Variants in MATN2 observed in about 807,000 individuals in gnomAD.
MATN2 encodes the protein matrilin 2, also known as matrilin-2.
Under a neutral mutation model 103.2 loss-of-function variants are expected in MATN2, and 69 were observed. The observed-to-expected ratio is 0.67, with a 90% CI of 0.55 to 0.82. MATN2 has a LOEUF of 0.82. Among genes scored for constraint, MATN2 ranks in the 40% least tolerant of loss-of-function variants. The pLI is 0.00. For missense variants in MATN2, 1,023 were observed against 1,211.5 expected (o/e 0.84, Z 2.31); for synonymous variants, 429 against 450.2 (o/e 0.95, Z 0.60).
intron 2 of MATN2, among the ~76,000 whole-genome samples, chr8:97,925,116 C>T (rs1226192677): frequency 6.6e-6 from 1 of 151,822 alleles, no homozygotes; most frequent in Non-Finnish European, 1.5e-5. Flanking sequence ...GATTTATAGA[C>T]AAAAAAAGGG....
intron 7 of MATN2, among the ~76,000 whole-genome samples, chr8:98,000,305 A>C (rs1168626253): frequency 6.6e-6 from 1 of 151,940 alleles, no homozygotes; most frequent in Non-Finnish European, 1.5e-5. Context: ...CAGCTTTGAA[A>C]TATGGATAAC....
chr8:98,032,972 C>G, intron 16 of MATN2, 70 bp from the exon 17 acceptor site: 8 of 1,469,208 alleles, frequency 5.4e-6, no homozygotes, highest in Non-Finnish European at 7.3e-6. Context: ...AAGTACCTTA[C>G]TCTGCTGATG....
At chr8:97,989,790 A>G (rs1812331082) in intron 6 of MATN2, among the ~76,000 whole-genome samples, 1 of 152,234 alleles carries the variant, frequency 6.6e-6, no homozygotes, top group South Asian at 2.1e-4. Flanking sequence ...TATTAATAGC[A>G]AGTGAATTTA....
intron 2 of MATN2, among the ~76,000 whole-genome samples, chr8:97,909,237 T>C (rs1271084509): frequency 2.6e-5 from 4 of 152,238 alleles, no homozygotes; most frequent in Non-Finnish European, 4.4e-5. Context: ...CCAGCCTCTT[T>C]CAACTTTAAA....
At chr8:98,009,901 G>A (rs1243131802) in intron 10 of MATN2, among the ~76,000 whole-genome samples, 1 of 152,170 alleles carries the variant, frequency 6.6e-6, no homozygotes, top group Non-Finnish European at 1.5e-5. Context: ...TGGCCTGCAA[G>A]CTCCTGGAGG....
At chr8:97,895,075 G>A (rs1200028986) in intron 2 of MATN2, among the ~76,000 whole-genome samples, 2 of 152,114 alleles carry the variant, frequency 1.3e-5, no homozygotes, top group Non-Finnish European at 2.9e-5. Context: ...GTTTCATCAT[G>A]TTGGCCAGGT....
chr8:97,926,976 C>A lies in MATN2; in HGVS notation c.143-3977C>A, dbSNP rs58084851. ...GCAAGGTCAAGACTTTATAGAACTT[C>A]TTTTCTCCAGAGAGCTCTCTATTTC... On this transcript the variant is annotated intron_variant, in intron 2 of 18. Coordinates refer to ENST00000254898, the MANE Select transcript of MATN2 (RefSeq NM_002380.5). 5.4e-4 allele frequency among the ~76,000 whole-genome samples: 83 copies of A among 152,312 alleles called. 1 individual carries two copies. The highest frequency in any genetic ancestry group is 2.0e-3 in the African/African-American group (82 of 41,568).
At chr8:97,970,915 C>T (rs1811633643) in intron 5 of MATN2, among the ~76,000 whole-genome samples, 1 of 152,012 alleles carries the variant, frequency 6.6e-6, no homozygotes, top group Admixed American at 6.6e-5. Flanking sequence ...GCATTCCAGC[C>T]TGGGTGACAG....
At chr8:98,019,974 G>T (rs1194234177) in intron 12 of MATN2, among the ~76,000 whole-genome samples, 1 of 152,154 alleles carries the variant, frequency 6.6e-6, no homozygotes, top group Non-Finnish European at 1.5e-5. Flanking sequence ...TTAGCAAGAA[G>T]TTCTGTGTGA....
chr8:98,033,688 A>G, intron 18 of MATN2, 29 bp downstream of exon 18: 1 of 1,374,766 alleles, frequency 7.3e-7, no homozygotes, highest in Non-Finnish European at 1.0e-6. Context: ...ATGCTTCTGT[A>G]TGGAATGCAA....
In MATN2 at chr8:98,033,137, C is replaced by T. The variant is rs145754758; in HGVS notation, c.2677C>T (p.Arg893Trp). The T allele has an allele frequency of 1.6e-5, 25 of 1,609,568 alleles. No homozygotes were observed. The East Asian group carries it at 1.6e-4, about 10-fold the overall frequency. ...RYLFEEDNLLRSTQKLSHSTK... is the reference protein window; with the variant it reads ...RYLFEEDNLLWSTQKLSHSTK... ...TCTGTTTGAAGAAGACAATCTTTTA[C>T]GGTCTACACAAAAGCTTTCCCATTC... Residue 893 changes from arginine (R) to tryptophan (W), a missense_variant, in exon 17 of 19, where the codon CGG (arginine) becomes TGG (tryptophan). By Grantham distance (101) the Arg-to-Trp change is moderately radical. Transcript: ENST00000254898.
intron 10 of MATN2, among the ~76,000 whole-genome samples, chr8:98,010,459 A>G (rs1309099397): frequency 6.6e-6 from 1 of 152,148 alleles, no homozygotes; most frequent in African/African-American, 2.4e-5. Context: ...CTGACTGCTC[A>G]TCTCTAAACT....
intron 10 of MATN2, 109 bp from the exon 11 acceptor site, chr8:98,016,431 A>C: frequency 1.0e-6 from 1 of 965,810 alleles, no homozygotes; most frequent in Non-Finnish European, 1.6e-6. Context: ...CTGTAGGATA[A>C]GGCACTGTTT....
chr8:98,010,370 G>A (rs1419787045), intron 10 of MATN2, among the ~76,000 whole-genome samples: 1 of 152,198 alleles, frequency 6.6e-6, no homozygotes, highest in Non-Finnish European at 1.5e-5. Flanking sequence ...AGCAGAAAGA[G>A]TACTGAACTG....
At chr8:97,986,077 G>C (rs990316525) in intron 6 of MATN2, among the ~76,000 whole-genome samples, 4 of 151,886 alleles carry the variant, frequency 2.6e-5, no homozygotes, top group African/African-American at 9.7e-5. Flanking sequence ...AGGTTTTTTT[G>C]GCTGCTCAAA....
At chr8:97,912,071 G>A (rs1281366966) in intron 2 of MATN2, among the ~76,000 whole-genome samples, 1 of 152,206 alleles carries the variant, frequency 6.6e-6, no homozygotes, top group African/African-American at 2.4e-5. Flanking sequence ...GGAGACATGG[G>A]CAGGAGGCTG....
At chr8:98,021,452 T>C in intron 13 of MATN2, 125 bp downstream of exon 13, 12 of 1,054,020 alleles carry the variant, frequency 1.1e-5, no homozygotes, top group Non-Finnish European at 1.5e-5. Context: ...TATGCACAAA[T>C]ACAGAATGGG....
chr8:97,897,846 G>T (rs1427079153), intron 2 of MATN2, among the ~76,000 whole-genome samples: 1 of 152,108 alleles, frequency 6.6e-6, no homozygotes, highest in Non-Finnish European at 1.5e-5. Context: ...TTCCTATCTT[G>T]TGATTAACGC....
chr8:97,997,738 T>C (rs1812633376), intron 7 of MATN2, among the ~76,000 whole-genome samples: 1 of 151,246 alleles, frequency 6.6e-6, no homozygotes, highest in Admixed American at 6.6e-5. Context: ...AGCACACACA[T>C]GAGGAAATAT....
Sources: gnomAD v4.1 joint callset for allele counts (sites outside exome capture counted in the v4.1 genomes callset) on GRCh38, gnomAD v4.1.1 for gene constraint, MANE v1.5 for transcripts, NCBI Gene and HGNC (gene_info 2026-07-23, HGNC 2026-07-21) for gene names.